Variants in UBE2R2 observed in about 807,000 individuals in gnomAD.
UBE2R2 encodes the protein ubiquitin conjugating enzyme E2 R2.
Under a neutral mutation model 27.8 loss-of-function variants are expected in UBE2R2, and 1 was observed. The observed-to-expected ratio is 0.04, with a 90% CI of 0.01 to 0.17. The LOEUF is 0.17. UBE2R2 is among the 10% of genes least tolerant of loss of function. The pLI is 1.00. For synonymous variants in UBE2R2, 106 were observed against 113.3 expected (o/e 0.94, Z 0.41); for missense variants, 100 against 291.0 (o/e 0.34, Z 4.78).
At chr9:33,916,721 A>G (rs530572093) in intron 4 of UBE2R2, among the ~76,000 whole-genome samples, 5 of 152,342 alleles carry the variant, frequency 3.3e-5, no homozygotes, top group South Asian at 4.1e-4. Flanking sequence ...TGGCCCTTAC[A>G]TGAATCGGAG....
intron 1 of UBE2R2, among the ~76,000 whole-genome samples, chr9:33,854,513 G>A (rs1320803076): frequency 6.6e-6 from 1 of 151,618 alleles, no homozygotes; most frequent in Admixed American, 6.6e-5. Context: ...GTAGAGACGG[G>A]GTTTTACCAT....
chr9:33,883,649 A>G (rs1187561685), intron 1 of UBE2R2, among the ~76,000 whole-genome samples: 5 of 141,868 alleles, frequency 3.5e-5, no homozygotes, highest in African/African-American at 1.3e-4. Context: ...CTGGAGGTGG[A>G]GGTTGCAGTG....
At chr9:33,827,467 G>T (rs1326714117) in intron 1 of UBE2R2, among the ~76,000 whole-genome samples, 1 of 151,918 alleles carries the variant, frequency 6.6e-6, no homozygotes, top group Non-Finnish European at 1.5e-5. Context: ...ATGGCGAAAC[G>T]CTGTCTCAAC....
chr9:33,874,166 T>A (rs930136229), intron 1 of UBE2R2, among the ~76,000 whole-genome samples: 14 of 152,058 alleles, frequency 9.2e-5, no homozygotes, highest in African/African-American at 3.4e-4. Context: ...CAGGCTGGTG[T>A]TGAACTCCTG....
intron 1 of UBE2R2, among the ~76,000 whole-genome samples, chr9:33,877,830 T>TCTCTCTCTCTCTCTCTCTCTCTCTCTCC (rs1821646737): frequency 1.3e-5 from 2 of 150,554 alleles, no homozygotes; most frequent in African/African-American, 2.5e-5. Context: ...TCTGTCTCTC[T>TCTCTCTCTCTCTCTCTCTCTCTCTCTCC]CTCTCTCTCT....
At chr9:33,827,947 G>C (rs1170678615) in intron 1 of UBE2R2, among the ~76,000 whole-genome samples, 1 of 151,374 alleles carries the variant, frequency 6.6e-6, no homozygotes, top group Non-Finnish European at 1.5e-5. Context: ...ATCCAGCCTG[G>C]GCGACATAGC....
At chr9:33,848,430 C>T (rs1028236735) in intron 1 of UBE2R2, among the ~76,000 whole-genome samples, 1 of 152,088 alleles carries the variant, frequency 6.6e-6, no homozygotes, top group African/African-American at 2.4e-5. Flanking sequence ...CTTTCTCCCT[C>T]TTTCCTTTGC....
chr9:33,838,916 T>C (rs570074449), intron 1 of UBE2R2, among the ~76,000 whole-genome samples: 56 of 151,982 alleles, frequency 3.7e-4, no homozygotes, highest in Non-Finnish European at 5.9e-5. Context: ...ACCTGGTCTA[T>C]ACTAAAAATA....
At chr9:33,841,482 G>A (rs1234503894) in intron 1 of UBE2R2, among the ~76,000 whole-genome samples, 3 of 152,124 alleles carry the variant, frequency 2.0e-5, no homozygotes, top group African/African-American at 7.2e-5. Context: ...ATGACCAGGT[G>A]TTGCAGGCTT....
At chr9:33,841,842 TA>T (rs1478808687) in intron 1 of UBE2R2, among the ~76,000 whole-genome samples, 1 of 152,176 alleles carries the variant, frequency 6.6e-6, no homozygotes, top group African/African-American at 2.4e-5. Flanking sequence ...AGAATAGCAA[TA>T]CTAATAATAC....
intron 1 of UBE2R2, among the ~76,000 whole-genome samples, chr9:33,845,439 G>A (rs908997691): frequency 6.6e-6 from 1 of 151,642 alleles, no homozygotes; most frequent in Non-Finnish European, 1.5e-5. Flanking sequence ...TAGTAGAGAC[G>A]GGGTTTCACT....
chr9:33,895,849 T>C (rs1381761702), intron 2 of UBE2R2, among the ~76,000 whole-genome samples: 1 of 142,186 alleles, frequency 7.0e-6, no homozygotes, highest in African/African-American at 2.6e-5. Flanking sequence ...CTCAGCTCAC[T>C]GTAACCTCTG....
intron 1 of UBE2R2, among the ~76,000 whole-genome samples, chr9:33,849,715 G>A (rs1052171810): frequency 3.3e-5 from 5 of 151,702 alleles, no homozygotes; most frequent in East Asian, 1.9e-4. Context: ...AAAGTCAGGC[G>A]GTGTGGTGGC....
chr9:33,894,641 T>G (rs1292302025), intron 2 of UBE2R2, among the ~76,000 whole-genome samples: 1 of 152,190 alleles, frequency 6.6e-6, no homozygotes, highest in African/African-American at 2.4e-5. Flanking sequence ...CTCACACCTG[T>G]AATCTCAGCA....
At chr9:33,829,458 G>A (rs1268183716) in intron 1 of UBE2R2, among the ~76,000 whole-genome samples, 2 of 152,092 alleles carry the variant, frequency 1.3e-5, no homozygotes, top group Non-Finnish European at 2.9e-5. Context: ...TGGATGATGG[G>A]TACACTGAAT....
intron 1 of UBE2R2, among the ~76,000 whole-genome samples, chr9:33,851,866 A>G (rs1479149217): frequency 6.6e-6 from 1 of 152,166 alleles, no homozygotes; most frequent in African/African-American, 2.4e-5. Flanking sequence ...ACATGCATGC[A>G]TATTACATTG....
chr9:33,857,467 C>T (rs1042294866), intron 1 of UBE2R2, among the ~76,000 whole-genome samples: 7 of 151,902 alleles, frequency 4.6e-5, no homozygotes, highest in South Asian at 2.1e-4. Context: ...TACAGGTGTG[C>T]GCCACCACAC....
chr9:33,865,841 T>G (rs1300489606), intron 1 of UBE2R2, among the ~76,000 whole-genome samples: 1 of 151,462 alleles, frequency 6.6e-6, no homozygotes, highest in Non-Finnish European at 1.5e-5. Flanking sequence ...TTTTGTTTTT[T>G]TTTTTTTGAG....
chr9:33,879,431 TTC>T lies in UBE2R2; in HGVS notation c.178-7446_178-7445del, dbSNP rs142427095. Reference sequence around the variant, plus strand: ...AATTTTCATGCAGCACTGCAAAGATTTCTCTTAGTACCCTAAGTAATCTTAAC... The same window carrying T: ...AATTTTCATGCAGCACTGCAAAGATTTCTTAGTACCCTAAGTAATCTTAAC... On this transcript the variant is annotated intron_variant, in intron 1 of 4. Transcript: ENST00000263228. Among the ~76,000 whole-genome samples, 6 of 152,298 alleles carry T rather than the reference TTC, an allele frequency of 3.9e-5. No individual in the cohort carries two copies. In the East Asian group the frequency reaches 1.2e-3, roughly 29 times the overall value.
Sources: allele counts gnomAD v4.1 joint callset (sites outside exome capture counted in the v4.1 genomes callset), GRCh38; gene constraint gnomAD v4.1.1; transcripts MANE v1.5; gene names NCBI Gene and HGNC (gene_info 2026-07-23, HGNC 2026-07-21).